The following MTPN variants were observed in gnomAD, a reference collection of about 807,000 sequenced individuals.
MTPN encodes myotrophin.
In MTPN, 2 loss-of-function variants were observed where a neutral mutation model predicts 13.5. The observed-to-expected ratio is 0.15, with a 90% CI of 0.06 to 0.47. The LOEUF (loss-of-function observed/expected upper bound fraction) is 0.47. Among genes scored for constraint, MTPN ranks in the 20% least tolerant of loss-of-function variants. The pLI, the probability that MTPN is intolerant of heterozygous loss-of-function variation, is 0.97. For synonymous variants in MTPN, 46 were observed against 51.7 expected (o/e 0.89, Z 0.48); for missense variants, 79 against 137.9 (o/e 0.57, Z 2.14).
intron 1 of MTPN, among the ~76,000 whole-genome samples, chr7:135,953,144 C>A (rs1799390094): frequency 6.6e-6 from 1 of 152,118 alleles, no homozygotes; most frequent in Non-Finnish European, 1.5e-5. Context: ...CTTATGCCTG[C>A]TCCCTCCTTC....
intron 3 of MTPN, among the ~76,000 whole-genome samples, chr7:135,946,132 A>G (rs71539480): frequency 0.016 from 2,460 of 152,278 alleles, 34 homozygotes; most frequent in African/African-American, 0.037. Flanking sequence ...TGAACTTAGG[A>G]AAGTCCATCA....
At chr7:135,968,466 T>C (rs1799639257) in intron 1 of MTPN, among the ~76,000 whole-genome samples, 1 of 152,132 alleles carries the variant, frequency 6.6e-6, no homozygotes, top group Admixed American at 6.6e-5. Flanking sequence ...TCTAAGCTTA[T>C]CAGAATTATT....
intron 1 of MTPN, among the ~76,000 whole-genome samples, chr7:135,952,867 GA>G (rs932478012): frequency 6.6e-6 from 1 of 152,126 alleles, no homozygotes; most frequent in African/African-American, 2.4e-5. Context: ...GGTGAGGTGG[GA>G]GGATCCCCTG....
At chr7:135,973,046 A>T (rs1799719458) in intron 1 of MTPN, among the ~76,000 whole-genome samples, 1 of 150,704 alleles carries the variant, frequency 6.6e-6, no homozygotes. Flanking sequence ...AGTACACCAT[A>T]CCAATGAGGA....
chr7:135,961,106 G>A (rs1408528785), intron 1 of MTPN, among the ~76,000 whole-genome samples: 1 of 152,020 alleles, frequency 6.6e-6, no homozygotes, highest in African/African-American at 2.4e-5. Context: ...GTAAAGACTT[G>A]AGAACAAACT....
chr7:135,946,529 GC>G (rs912202634), intron 3 of MTPN, among the ~76,000 whole-genome samples: 1 of 152,188 alleles, frequency 6.6e-6, no homozygotes, highest in Admixed American at 6.5e-5. Flanking sequence ...CTGGGATGCA[GC>G]CATGCCCATC....
At chr7:135,947,939 A>C (rs1422952472) in intron 3 of MTPN, among the ~76,000 whole-genome samples, 2 of 152,162 alleles carry the variant, frequency 1.3e-5, no homozygotes, top group African/African-American at 4.8e-5. Context: ...TGAGTTTCTA[A>C]ATCCCTGTTT....
intron 3 of MTPN, among the ~76,000 whole-genome samples, chr7:135,942,792 T>TTATC (rs1799235179): frequency 6.6e-6 from 1 of 152,150 alleles, no homozygotes; most frequent in Non-Finnish European, 1.5e-5. Context: ...CCAGAGTTAT[T>TTATC]AAGCAGAACT....
intron 1 of MTPN, among the ~76,000 whole-genome samples, chr7:135,971,244 A>C (rs1799689215): frequency 6.6e-6 from 1 of 152,186 alleles, no homozygotes; most frequent in Admixed American, 6.5e-5. Flanking sequence ...TCTATTTCAC[A>C]GCAAGTGAAA....
chr7:135,970,135 A>G (rs1799670801), intron 1 of MTPN, among the ~76,000 whole-genome samples: 1 of 152,270 alleles, frequency 6.6e-6, no homozygotes, highest in African/African-American at 2.4e-5. Context: ...ATAGTTAAAT[A>G]AACATCCAGA....
intron 1 of MTPN, among the ~76,000 whole-genome samples, chr7:135,959,464 A>G (rs1165888394): frequency 4.6e-5 from 7 of 152,136 alleles, no homozygotes; most frequent in Non-Finnish European, 8.8e-5. Context: ...ACTGAAACCT[A>G]TACATGGGTG....
At position 135,927,889 on chromosome 7, in the gene MTPN, G is replaced by A. The variant is rs142695832; in HGVS notation, c.*2037C>T. The A allele has an allele frequency of 9.5e-6, 3 of 317,362 alleles. No homozygotes were observed. The highest frequency in any genetic ancestry group is 4.5e-5 in the African/African-American group (2 of 44,784). 19.7% of individuals were successfully genotyped at this position (317,362 alleles called of 1,614,324 possible). A position where few individuals can be genotyped will look rare whatever the true frequency, so the allele number is the denominator to read the frequency against. On this transcript the variant is annotated 3_prime_UTR_variant, in exon 4 of 4. Coordinates refer to ENST00000393085, the MANE Select transcript of MTPN (RefSeq NM_145808.4). ...CCAGGTTTAGGAATGATAGGACAAT[G>A]CACTCTCTGCAATAGCCAACTACAA...
chr7:135,964,702 T>C (rs749615534), intron 1 of MTPN, among the ~76,000 whole-genome samples: 6 of 152,120 alleles, frequency 3.9e-5, no homozygotes, highest in African/African-American at 7.2e-5. Context: ...TCCCTCTCTC[T>C]TCTCTCTATC....
At chr7:135,971,473 C>T (rs1020673439) in intron 1 of MTPN, among the ~76,000 whole-genome samples, 1 of 152,046 alleles carries the variant, frequency 6.6e-6, no homozygotes, top group African/African-American at 2.4e-5. Context: ...TAGTTTCTGG[C>T]CTTATTGAGA....
At chr7:135,949,021 T>A (rs1017425601) in intron 3 of MTPN, among the ~76,000 whole-genome samples, 1 of 152,114 alleles carries the variant, frequency 6.6e-6, no homozygotes, top group African/African-American at 2.4e-5. Flanking sequence ...AAGCCAATGC[T>A]GAGGAAGAGA....
chr7:135,931,019 T>C (rs1051039223), intron 3 of MTPN, among the ~76,000 whole-genome samples: 2 of 152,106 alleles, frequency 1.3e-5, no homozygotes, highest in Admixed American at 1.3e-4. Flanking sequence ...TACCAGTCTC[T>C]TCTCCAGTTA....
At chr7:135,933,319 A>AC (rs1799056667) in intron 3 of MTPN, among the ~76,000 whole-genome samples, 1 of 151,728 alleles carries the variant, frequency 6.6e-6, no homozygotes, top group Non-Finnish European at 1.5e-5. Context: ...CACCACTACC[A>AC]CCCTTCCCCA....
At chr7:135,936,308 A>G (rs369252869) in intron 3 of MTPN, among the ~76,000 whole-genome samples, 8 of 152,338 alleles carry the variant, frequency 5.3e-5, no homozygotes, top group African/African-American at 1.9e-4. Context: ...AACATGGCGA[A>G]ACCCCGTCTG....
intron 3 of MTPN, among the ~76,000 whole-genome samples, chr7:135,939,663 T>C (rs62489144): frequency 0.11 from 16,157 of 145,718 alleles, 1,092 homozygotes; most frequent in East Asian, 0.16. Flanking sequence ...AGCCTTGGAC[T>C]GCACATCTTC....
Sources: allele counts gnomAD v4.1 joint callset (sites outside exome capture counted in the v4.1 genomes callset), GRCh38; gene constraint gnomAD v4.1.1; transcripts MANE v1.5; gene names NCBI Gene and HGNC (gene_info 2026-07-23, HGNC 2026-07-21).